The following ZMIZ2 variants were observed in gnomAD, a reference collection of about 807,000 sequenced individuals.
ZMIZ2 encodes zinc finger MIZ domain-containing protein 2.
In ZMIZ2, 26 loss-of-function variants were observed where a neutral mutation model predicts 93.9. That is an observed-to-expected ratio of 0.28 (90% confidence interval 0.20 to 0.38). The LOEUF is 0.38. ZMIZ2 is among the 10% of genes least tolerant of loss of function. ZMIZ2 has a pLI of 1.00. For missense variants in ZMIZ2, 1,023 were observed against 1,235.0 expected (o/e 0.83, Z 2.57); for synonymous variants, 485 against 516.4 (o/e 0.94, Z 0.82).
chr7:44,763,033 G>T lies in ZMIZ2; in HGVS notation c.1702+47G>T. 6.4e-7 allele frequency: 1 copy of T among 1,567,718 alleles called. No homozygotes were observed. The highest frequency in any genetic ancestry group is 1.1e-5 in the South Asian group (1 of 87,724). Reference sequence around the variant, plus strand: ...GCTGCCAGGCAGCCATCCCCATTCTGTGTGGCCCAAGCCCAACAATCCTCC... The same window carrying T: ...GCTGCCAGGCAGCCATCCCCATTCTTTGTGGCCCAAGCCCAACAATCCTCC... On this transcript the variant is annotated intron_variant, in intron 12 of 18. Transcript: ENST00000309315. The surrounding 1 kb of genome is among the most constrained non-coding windows in gnomAD (Gnocchi z 5.6).
Position 44,756,284 on chromosome 7 carries a change from C to T in ZMIZ2, c.35C>T (p.Pro12Leu). Residue 12 changes from proline to leucine, a missense_variant, in exon 2 of 19, where the codon CCC (proline) becomes CTC (leucine). Around this residue, in one of 3 missense-constraint regions of ZMIZ2, gnomAD observed 656 missense variants for 777.1 expected, o/e 0.84. Transcript: ENST00000309315. ...NSMNPMKPAL[P>L]PAPHGDGSFA... ...ATGAACCCCATGAAACCTGCCCTGC[C>T]CCCTGCGCCACACGGGTGAGTGTGG... 6.2e-7 allele frequency: 1 copy of T among 1,614,058 alleles called. No individual in the cohort carries two copies. Among genetic ancestry groups the T allele is most frequent in the East Asian group, 2.2e-5 (1 of 44,872 alleles).
Position 44,764,486 on chromosome 7 carries a change from A to G in ZMIZ2, c.1928A>G (p.Asn643Ser), listed in dbSNP as rs374388722. The change falls in exon 14 of 19, where the codon AAC (asparagine) becomes AGC (serine). Residue 643 changes from asparagine to serine, a missense_variant and splice_region_variant. By Grantham distance (46) the Asn-to-Ser change is conservative. This residue lies in a region of ZMIZ2 where 48 missense variants were observed against 99.1 expected (regional missense o/e 0.48). Transcript: ENST00000309315. ...ERGTWRCPVC[N>S]KTALLEGLEV... ...GGGACTTGGAGGTGTCCTGTGTGCA[A>G]GTGAGTCTCAGATGCAGCGTGTGAT... The G allele has an allele frequency of 1.2e-6, 2 of 1,614,092 alleles. No homozygotes were observed. Among genetic ancestry groups the G allele is most frequent in the Non-Finnish European group, 1.7e-6 (2 of 1,179,974 alleles).
At position 44,766,140 on chromosome 7, in the gene ZMIZ2, C is replaced by T; in HGVS notation, c.2243-24C>T. On this transcript the variant is annotated intron_variant, in intron 16 of 18. Transcript: ENST00000309315. This position sits in a 1 kb window ranked among gnomAD's most constrained non-coding sequence, Gnocchi z 4.4. The stretch of plus-strand genomic sequence containing the variant: ...GCGGTGGCCTTCCCCAGCCCTCACC[C>T]AGGCCCCGACTCTCCTCTCACAGGT... The T allele has an allele frequency of 2.5e-6, 4 of 1,593,390 alleles. No homozygotes were observed. The highest frequency in any genetic ancestry group is 3.4e-6 in the Non-Finnish European group (4 of 1,171,662).
intron 1 of ZMIZ2, among the ~76,000 whole-genome samples, chr7:44,749,275 G>A (rs1164430621): frequency 6.6e-6 from 1 of 152,182 alleles, no homozygotes; most frequent in Non-Finnish European, 1.5e-5. Context: ...GCCCTCCCCT[G>A]AGTCTTTGTT....
chr7:44,764,645 G>A (rs1184330038), intron 14 of ZMIZ2, among the ~76,000 whole-genome samples, 159 bp downstream of exon 14: 1 of 152,198 alleles, frequency 6.6e-6, no homozygotes. Flanking sequence ...CTCGTATAGG[G>A]TGGCCTTATG....
In ZMIZ2 at chr7:44,766,677, C is replaced by G; in HGVS notation, c.2655+14C>G. On this transcript the variant is annotated intron_variant, in intron 18 of 18. Transcript: ENST00000309315. The surrounding 1 kb of genome is among the most constrained non-coding windows in gnomAD (Gnocchi z 4.4). ...CCAGCTCTGGACGTGAGTACCAGGCCCCATGCGGGGGAGTGCGTGGGAGCC... is the reference window on the plus strand; with the variant it reads ...CCAGCTCTGGACGTGAGTACCAGGCGCCATGCGGGGGAGTGCGTGGGAGCC... 1 of 1,611,992 alleles carries G rather than the reference C, an allele frequency of 6.2e-7. No homozygotes were observed. Among genetic ancestry groups the G allele is most frequent in the African/African-American group, 1.3e-5 (1 of 74,982 alleles).
chr7:44,760,106 G>T lies in ZMIZ2; in HGVS notation c.994-45G>T, dbSNP rs201400591. The T allele has an allele frequency of 7.8e-5, 125 of 1,611,508 alleles. 1 individual carries two copies. In the East Asian group the frequency reaches 2.1e-3, roughly 27 times the overall value. On this transcript the variant is annotated intron_variant, in intron 7 of 18. Transcript: ENST00000309315. ...GGGTCAGGTCCAGGGGGCCCGGCAG[G>T]GGTCAGGTTGGAGCCCCAGGTGCAT...
chr7:44,753,068 C>T (rs931159004), intron 1 of ZMIZ2, among the ~76,000 whole-genome samples: 3 of 152,182 alleles, frequency 2.0e-5, no homozygotes, highest in African/African-American at 7.2e-5. Flanking sequence ...AGTGATATCT[C>T]ACTGTGGTTT....
chr7:44,755,655 G>A (rs1474707016), intron 1 of ZMIZ2, among the ~76,000 whole-genome samples: 2 of 152,122 alleles, frequency 1.3e-5, no homozygotes, highest in Admixed American at 6.5e-5. Context: ...TCTCCTCCTC[G>A]GCTTTCTCAG....
At chr7:44,756,714 G>T in intron 3 of ZMIZ2, 175 bp downstream of exon 3, 1 of 784,868 alleles carries the variant, frequency 1.3e-6, no homozygotes, top group Non-Finnish European at 2.0e-6. Flanking sequence ...TTGGACACTG[G>T]TTCTCTTTCC....
chr7:44,757,989 A>T lies in ZMIZ2; in HGVS notation c.694A>T (p.Thr232Ser). ...CCTCTCCCCCTTGGCTATGAACCCC[A>T]CCCGGGCAGCAGGAATGACACCCTT... The part of the protein sequence containing the change: ...SGLSPLAMNP[T>S]RAAGMTPLYA... Residue 232 changes from threonine (T) to serine (S), a missense_variant, in exon 6 of 19, where the codon ACC (threonine) becomes TCC (serine). This residue lies in a region of ZMIZ2 where 656 missense variants were observed against 777.1 expected (regional missense o/e 0.84). Coordinates refer to ENST00000309315, the MANE Select transcript of ZMIZ2 (RefSeq NM_031449.4). 6.2e-7 allele frequency: 1 copy of T among 1,612,050 alleles called. No individual in the cohort carries two copies. Among genetic ancestry groups the T allele is most frequent in the Non-Finnish European group, 8.5e-7 (1 of 1,179,198 alleles).
At chr7:44,757,614 A>G in intron 5 of ZMIZ2, 53 bp downstream of exon 5, 1 of 1,536,610 alleles carries the variant, frequency 6.5e-7, no homozygotes, top group Non-Finnish European at 8.8e-7. Flanking sequence ...AGGGCCTGGG[A>G]GGAGGTACTC....
chr7:44,767,102 A>G (rs1791788698), intron 18 of ZMIZ2, among the ~76,000 whole-genome samples: 1 of 152,156 alleles, frequency 6.6e-6, no homozygotes, highest in Admixed American at 6.5e-5. Flanking sequence ...TAGAAGTTCA[A>G]CATGAAAAAG....
chr7:44,752,734 C>T (rs1008215169), intron 1 of ZMIZ2, among the ~76,000 whole-genome samples: 1 of 152,184 alleles, frequency 6.6e-6, no homozygotes, highest in Non-Finnish European at 1.5e-5. Context: ...GATGTACCAC[C>T]GTTGATTTAA....
chr7:44,750,590 AG>A (rs1790053304), intron 1 of ZMIZ2, among the ~76,000 whole-genome samples: 2 of 152,298 alleles, frequency 1.3e-5, no homozygotes, highest in South Asian at 2.1e-4. Flanking sequence ...CTAGCTGACT[AG>A]GCAGGCAGAG....
Position 44,762,883 on chromosome 7 carries a change from C to A in ZMIZ2, c.1599C>A (p.Ser533=). 1 of 1,607,326 alleles carries A rather than the reference C, an allele frequency of 6.2e-7. No individual in the cohort carries two copies. Among genetic ancestry groups the A allele is most frequent in the Admixed American group, 1.7e-5 (1 of 59,390 alleles). Residue 533 remains serine, a splice_region_variant and synonymous_variant, in exon 12 of 19, where the codon TCC becomes TCA. Coordinates refer to ENST00000309315, the MANE Select transcript of ZMIZ2 (RefSeq NM_031449.4). ...GACATCCTCCCGTTGTATTGCAGTCCCACCTCTTCGTGCTGCAGCTAGTGC... is the reference window on the plus strand; with the variant it reads ...GACATCCTCCCGTTGTATTGCAGTCACACCTCTTCGTGCTGCAGCTAGTGC... ...IQITVTACCC[S]HLFVLQLVHR...
Position 44,756,232 on chromosome 7 carries a change from T to C in ZMIZ2, c.-18T>C. The C allele has an allele frequency of 8.1e-6, 13 of 1,614,012 alleles. No individual in the cohort carries two copies. The highest frequency in any genetic ancestry group is 1.1e-5 in the Non-Finnish European group (13 of 1,179,994). On this transcript the variant is annotated 5_prime_UTR_variant, in exon 2 of 19. The change abolishes the stop of an existing upstream ORF in the 5' untranslated region. Coordinates refer to ENST00000309315, the MANE Select transcript of ZMIZ2 (RefSeq NM_031449.4). ...GATAAAAACTGTCAGACCCGGCCTG[T>C]AGGCTGCTCCATTGCCAATGAACTC...
rs1791213954 is a variant in ZMIZ2 at position 44,761,840 on chromosome 7, T to C, written c.1531T>C (p.Tyr511His). 1.2e-6 allele frequency: 2 copies of C among 1,614,106 alleles called. No individual in the cohort carries two copies. The highest frequency in any genetic ancestry group is 4.5e-5 in the East Asian group (2 of 44,888). The change falls in exon 11 of 19, where the codon TAC becomes CAC. Residue 511 changes from tyrosine to histidine, a missense_variant. Transcript: ENST00000309315. This position sits in a 1 kb window ranked among gnomAD's most constrained non-coding sequence, Gnocchi z 5.8. ...CAACAAGACCTCGCACAAGCCACTC[T>C]ACCTGAAGCATGTGTGCCAGCCAGG... ...GDNKTSHKPL[Y>H]LKHVCQPGRN... is the part of the protein sequence containing the mutation.
At chr7:44,755,767 C>T (rs1790535845) in intron 1 of ZMIZ2, among the ~76,000 whole-genome samples, 1 of 152,172 alleles carries the variant, frequency 6.6e-6, no homozygotes, top group Non-Finnish European at 1.5e-5. Context: ...CTGTCCTTCA[C>T]CCCAGGGCCT....
Sources: gnomAD v4.1 joint callset for allele counts (sites outside exome capture counted in the v4.1 genomes callset) on GRCh38, gnomAD v4.1.1 for gene constraint, gnomAD v4.1.1 regional missense constraint, Gnocchi (gnomAD v3.1) non-coding constraint, MANE v1.5 for transcripts, NCBI Gene and HGNC (gene_info 2026-07-23, HGNC 2026-07-21) for gene names.